Variants in RASGRF2 observed in about 807,000 individuals in gnomAD.
RASGRF2 encodes the protein Ras protein specific guanine nucleotide releasing factor 2.
Under a neutral mutation model 151.0 loss-of-function variants are expected in RASGRF2, and 76 were observed. The observed-to-expected ratio is 0.50, with a 90% CI of 0.42 to 0.61. The LOEUF (loss-of-function observed/expected upper bound fraction) is 0.61. RASGRF2 is among the 20% of genes least tolerant of loss of function. RASGRF2 has a pLI of 0.00. For missense variants in RASGRF2, 1,148 were observed against 1,564.6 expected (o/e 0.73, Z 4.49); for synonymous variants, 504 against 566.5 (o/e 0.89, Z 1.57).
chr5:81,059,565 G>T (rs972362203), intron 2 of RASGRF2, among the ~76,000 whole-genome samples: 1 of 151,584 alleles, frequency 6.6e-6, no homozygotes, highest in African/African-American at 2.4e-5. Context: ...GAAATACCTG[G>T]GCTGGGCGCG....
chr5:81,034,422 C>T (rs1279598205), intron 1 of RASGRF2, among the ~76,000 whole-genome samples: 1 of 151,900 alleles, frequency 6.6e-6, no homozygotes, highest in East Asian at 1.9e-4. Context: ...CTAGAAATAC[C>T]ATTTGACCCA....
chr5:81,129,065 G>A (rs1753547435), intron 17 of RASGRF2, among the ~76,000 whole-genome samples: 1 of 152,168 alleles, frequency 6.6e-6, no homozygotes, highest in African/African-American at 2.4e-5. Context: ...CTTGAACCTG[G>A]GAGGTAGAGT....
At chr5:80,992,551 C>A (rs1748689007) in intron 1 of RASGRF2, among the ~76,000 whole-genome samples, 1 of 152,130 alleles carries the variant, frequency 6.6e-6, no homozygotes, top group South Asian at 2.1e-4. Flanking sequence ...AACTCTCTGA[C>A]AAACAGAAAA....
At chr5:81,090,580 T>G (rs1752361103) in intron 9 of RASGRF2, among the ~76,000 whole-genome samples, 1 of 152,212 alleles carries the variant, frequency 6.6e-6, no homozygotes, top group East Asian at 1.9e-4. Context: ...TTCTCACTTT[T>G]AATTCAGATG....
chr5:81,145,329 C>T (rs1436394367), intron 17 of RASGRF2, among the ~76,000 whole-genome samples: 1 of 89,708 alleles, frequency 1.1e-5, no homozygotes, highest in African/African-American at 3.8e-5. Context: ...TAGCTGGAAC[C>T]TTGTTATTTG....
At position 81,180,256 on chromosome 5, in the gene RASGRF2, G is replaced by A; in HGVS notation, c.2768G>A (p.Arg923His). The A allele has an allele frequency of 1.2e-6, 2 of 1,609,944 alleles. No individual in the cohort carries two copies. Among genetic ancestry groups the A allele is most frequent in the Non-Finnish European group, 8.5e-7 (1 of 1,176,652 alleles). Reference sequence around the variant, plus strand: ...ACCAATCGAGTTCTGAACGTCCTCCGTCACTGGGTCTCAAAGCACGCACAG... The same window carrying A: ...ACCAATCGAGTTCTGAACGTCCTCCATCACTGGGTCTCAAAGCACGCACAG... Reference protein sequence around the residue: ...TATNRVLNVLRHWVSKHAQDF... With the variant: ...TATNRVLNVLHHWVSKHAQDF... The change falls in exon 18 of 27, where the codon CGT (arginine) becomes CAT (histidine). Residue 923 changes from arginine (R) to histidine (H), a missense_variant. Physicochemically the swap from Arg to His is conservative, Grantham distance 29. Around this residue, in one of 5 missense-constraint regions of RASGRF2, gnomAD observed 646 missense variants for 807.4 expected, o/e 0.80. Transcript: ENST00000265080.
intron 1 of RASGRF2, among the ~76,000 whole-genome samples, chr5:81,018,102 G>A (rs543692663): frequency 6.6e-6 from 1 of 150,414 alleles, no homozygotes; most frequent in South Asian, 2.1e-4. Flanking sequence ...GAGCGAGACT[G>A]TCTCAAAAAA....
chr5:81,000,266 G>A (rs528021499), intron 1 of RASGRF2, among the ~76,000 whole-genome samples: 5 of 152,292 alleles, frequency 3.3e-5, no homozygotes, highest in Non-Finnish European at 7.3e-5. Flanking sequence ...TCTGCAACAG[G>A]GTTTCGCTCT....
At chr5:80,973,038 G>T (rs892150018) in intron 1 of RASGRF2, among the ~76,000 whole-genome samples, 3 of 152,126 alleles carry the variant, frequency 2.0e-5, no homozygotes, top group Non-Finnish European at 4.4e-5. Context: ...ATGAACAGAA[G>T]TTCTAAACTT....
intron 1 of RASGRF2, among the ~76,000 whole-genome samples, chr5:81,032,939 A>T (rs998113913): frequency 6.9e-4 from 105 of 152,276 alleles, no homozygotes; most frequent in African/African-American, 2.5e-3. Flanking sequence ...GATAAGCAAC[A>T]TCAGCAAAGT....
chr5:81,007,818 G>A (rs1024138643), intron 1 of RASGRF2, among the ~76,000 whole-genome samples: 3 of 152,008 alleles, frequency 2.0e-5, no homozygotes, highest in African/African-American at 7.3e-5. Flanking sequence ...GAGTCACCTA[G>A]TAAATGCAAA....
chr5:81,083,878 C>A (rs1357572348), intron 7 of RASGRF2, among the ~76,000 whole-genome samples: 1 of 152,158 alleles, frequency 6.6e-6, no homozygotes, highest in Admixed American at 6.5e-5. Context: ...TATAAAGTGA[C>A]AAGTATTTGC....
intron 17 of RASGRF2, among the ~76,000 whole-genome samples, chr5:81,137,539 C>T (rs1240639985): frequency 6.6e-6 from 1 of 152,140 alleles, no homozygotes; most frequent in Non-Finnish European, 1.5e-5. Flanking sequence ...GTGGAGGTCC[C>T]ACCATTACCC....
At chr5:80,996,418 C>T (rs550755604) in intron 1 of RASGRF2, among the ~76,000 whole-genome samples, 1 of 150,148 alleles carries the variant, frequency 6.7e-6, no homozygotes, top group Non-Finnish European at 1.5e-5. Flanking sequence ...TTTTTGTAAA[C>T]ATAACAAAGA....
chr5:81,054,096 G>T (rs1751116739), intron 2 of RASGRF2, among the ~76,000 whole-genome samples: 1 of 152,210 alleles, frequency 6.6e-6, no homozygotes, highest in African/African-American at 2.4e-5. Context: ...TCTGATGGTA[G>T]TTTCTTTTGC....
At chr5:81,145,076 C>G (rs73128859) in intron 17 of RASGRF2, among the ~76,000 whole-genome samples, 7,690 of 152,112 alleles carry the variant, frequency 0.051, 567 homozygotes, top group African/African-American at 0.16. Context: ...AACCCAGTCT[C>G]TACTAAAAAT....
intron 17 of RASGRF2, among the ~76,000 whole-genome samples, chr5:81,142,534 C>T (rs1372920827): frequency 6.6e-6 from 1 of 152,010 alleles, no homozygotes; most frequent in African/African-American, 2.4e-5. Context: ...TATATGGGGC[C>T]CTCACCATCT....
chr5:81,123,221 C>A (rs1368645411), intron 15 of RASGRF2, among the ~76,000 whole-genome samples: 1 of 152,152 alleles, frequency 6.6e-6, no homozygotes, highest in South Asian at 2.1e-4. Flanking sequence ...TATAGAGATT[C>A]AAACTTTGGT....
At chr5:81,220,524 G>A (rs996217528) in intron 26 of RASGRF2, among the ~76,000 whole-genome samples, 6 of 152,074 alleles carry the variant, frequency 3.9e-5, no homozygotes, top group African/African-American at 7.2e-5. Flanking sequence ...TCGCTCTGTC[G>A]CCCAGCCTGG....
Sources: allele counts gnomAD v4.1 joint callset (sites outside exome capture counted in the v4.1 genomes callset), GRCh38; gene constraint gnomAD v4.1.1; regional missense constraint gnomAD v4.1.1; transcripts MANE v1.5; gene names NCBI Gene and HGNC (gene_info 2026-07-23, HGNC 2026-07-21).